Variants in LRRK2 observed in about 807,000 individuals in gnomAD.
LRRK2 encodes the protein leucine rich repeat kinase 2.
Under a neutral mutation model 302.6 loss-of-function variants are expected in LRRK2, and 203 were observed. That is an observed-to-expected ratio of 0.67 (90% CI 0.60 to 0.75). LRRK2 has a LOEUF of 0.75. LRRK2 is among the 30% of genes least tolerant of loss of function. The pLI, the probability that LRRK2 is intolerant of heterozygous loss-of-function variation, is 0.00. For missense variants in LRRK2, 2,830 were observed against 2,951.0 expected (o/e 0.96, Z 0.95); for synonymous variants, 1,066 against 1,031.9 (o/e 1.03, Z -0.63).
intron 13 of LRRK2, among the ~76,000 whole-genome samples, chr12:40,261,099 G>A (rs1007632016): frequency 3.9e-5 from 6 of 152,000 alleles, no homozygotes; most frequent in African/African-American, 1.5e-4. Flanking sequence ...GAATCATGGT[G>A]TCCTATTCAT....
chr12:40,354,902 C>G (rs988156148), intron 45 of LRRK2, among the ~76,000 whole-genome samples: 2 of 151,806 alleles, frequency 1.3e-5, no homozygotes, highest in Non-Finnish European at 2.9e-5. Flanking sequence ...TACCAGTTAT[C>G]TAACTACCAA....
rs1945422362 is a variant in LRRK2 at position 40,322,194 on chromosome 12, A to G, written c.5317+13A>G. ...TCTTGTAGAAAAGGTAAGGAAATCA[A>G]TTTGAATGTTTTCAATTGCAACACT... On this transcript the variant is annotated intron_variant, in intron 36 of 50. Transcript: ENST00000298910. The G allele has an allele frequency of 2.5e-6, 4 of 1,606,780 alleles. No individual in the cohort carries two copies. Among genetic ancestry groups the G allele is most frequent in the Non-Finnish European group, 3.4e-6 (4 of 1,175,406 alleles).
chr12:40,275,040 A>G, intron 16 of LRRK2, 47 bp downstream of exon 16: 1 of 1,609,038 alleles, frequency 6.2e-7, no homozygotes. Flanking sequence ...TGCGAATTTC[A>G]CTTTTGGAGC....
Position 40,235,561 on chromosome 12 carries a change from T to A in LRRK2, c.348-65T>A, listed in dbSNP as rs1432675525. On this transcript the variant is annotated intron_variant, in intron 3 of 50. Coordinates refer to ENST00000298910, the MANE Select transcript of LRRK2 (RefSeq NM_198578.4). ...ATAAAAAATAGGTGAGCAAAAAAAA[T>A]GCAAATAAGCAAACTTTTGAGTATG... The A allele has an allele frequency of 1.0e-5, 11 of 1,083,742 alleles. No homozygotes were observed. In the East Asian group the frequency reaches 2.6e-4, roughly 26 times the overall value. 67.1% of individuals were successfully genotyped at this position (1,083,742 alleles called of 1,614,324 possible).
chr12:40,241,500 G>GT (rs1941718075), intron 6 of LRRK2, among the ~76,000 whole-genome samples: 1 of 152,068 alleles, frequency 6.6e-6, no homozygotes, highest in Non-Finnish European at 1.5e-5. Flanking sequence ...GTTTTGTTTT[G>GT]TAAGTGACCA....
chr12:40,301,584 A>G lies in LRRK2; in HGVS notation c.3497-1205A>G, dbSNP rs190117034. Among the ~76,000 whole-genome samples the G allele has an allele frequency of 1.6e-4, 24 of 152,300 alleles. No homozygotes were observed. In the East Asian group the frequency reaches 2.9e-3, roughly 18 times the overall value. On this transcript the variant is annotated intron_variant, in intron 25 of 50. Coordinates refer to ENST00000298910, the MANE Select transcript of LRRK2 (RefSeq NM_198578.4). Reference sequence around the variant, plus strand: ...TGCGAATAGGTGAGGTATAATAGCTATCTTTCTGCTTCTCAGGAAGACAGC... The same window carrying G: ...TGCGAATAGGTGAGGTATAATAGCTGTCTTTCTGCTTCTCAGGAAGACAGC...
At chr12:40,239,214 C>T (rs963607091) in intron 5 of LRRK2, among the ~76,000 whole-genome samples, 1 of 152,134 alleles carries the variant, frequency 6.6e-6, no homozygotes, top group African/African-American at 2.4e-5. Context: ...AAGTGTATTG[C>T]AGCGAGAGTG....
At chr12:40,342,724 C>T (rs758161901) in intron 41 of LRRK2, among the ~76,000 whole-genome samples, 1 of 152,090 alleles carries the variant, frequency 6.6e-6, no homozygotes, top group African/African-American at 2.4e-5. Flanking sequence ...TTGTCTTTTC[C>T]GTTTAATGAA....
chr12:40,316,918 A>G (rs1421218271), intron 33 of LRRK2, among the ~76,000 whole-genome samples: 3 of 152,088 alleles, frequency 2.0e-5, no homozygotes, highest in Admixed American at 1.3e-4. Context: ...TCAACTCCAC[A>G]TAGTCAAGGA....
Position 40,310,581 on chromosome 12 carries a change from G to A in LRRK2, c.4468G>A (p.Ala1490Thr), listed in dbSNP as rs201154630. The change falls in exon 31 of 51, where the codon GCC becomes ACC. Residue 1490 changes from alanine (A) to threonine (T), a missense_variant. By Grantham distance (58) the Ala-to-Thr change is moderately conservative. Transcript: ENST00000298910. ...PAIRDYHFVNATEESDALAKL... is the reference protein window; with the variant it reads ...PAIRDYHFVNTTEESDALAKL... ...CATACGAGATTACCACTTTGTGAAT[G>A]CCACCGAGGAATCTGATGCTTTGGC... The A allele has an allele frequency of 1.9e-5, 31 of 1,612,424 alleles. No homozygotes were observed. The highest frequency in any genetic ancestry group is 2.6e-5 in the Non-Finnish European group (31 of 1,179,646).
chr12:40,359,263 A>C lies in LRRK2; in HGVS notation c.6847A>C (p.Lys2283Gln). Residue 2283 changes from lysine to glutamine, a missense_variant, in exon 47 of 51, where the codon AAA becomes CAA. Physicochemically the swap from Lys to Gln is moderately conservative, Grantham distance 53. This residue lies in a region of LRRK2 where 456 missense variants were observed against 456.3 expected (regional missense o/e 1.00). Coordinates refer to ENST00000298910, the MANE Select transcript of LRRK2 (RefSeq NM_198578.4). ...TTTTCTTTTTTTTTTGGCAAAGCTT[A>C]AAGGAGCTGCTCCTTTGAAGATACT... ...AIFEDKTVKL[K>Q]GAAPLKILNI... 1 of 1,607,186 alleles carries C rather than the reference A, an allele frequency of 6.2e-7. No individual in the cohort carries two copies. Among genetic ancestry groups the C allele is most frequent in the Non-Finnish European group, 8.5e-7 (1 of 1,176,926 alleles).
At position 40,367,012 on chromosome 12, in the gene LRRK2, T is replaced by A. The variant is rs281865057; in HGVS notation, c.7397T>A (p.Leu2466His). 1.1e-5 allele frequency: 17 copies of A among 1,608,880 alleles called. No homozygotes were observed. Among genetic ancestry groups the A allele is most frequent in the Non-Finnish European group, 1.4e-5 (17 of 1,176,506 alleles). Residue 2466 changes from leucine (L) to histidine (H), a missense_variant, in exon 50 of 51, where the codon CTT (leucine) becomes CAT (histidine). This residue lies in a region of LRRK2 where 456 missense variants were observed against 456.3 expected (regional missense o/e 1.00). Coordinates refer to ENST00000298910, the MANE Select transcript of LRRK2 (RefSeq NM_198578.4). ...RVMMTAQLGS[L>H]KNVMLVLGYN... ...ATATTTTGTTTTTGTAAAGGAAGCC[T>A]TAAAAATGTCATGCTGGTATTGGGC...
intron 12 of LRRK2, 80 bp downstream of exon 12, chr12:40,257,457 C>T: frequency 6.6e-7 from 1 of 1,517,820 alleles, no homozygotes; most frequent in Non-Finnish European, 9.1e-7. Flanking sequence ...ATATTTCTAA[C>T]AATGAAAAGA....
chr12:40,283,150 A>C (rs891281763), intron 18 of LRRK2, among the ~76,000 whole-genome samples: 3 of 152,184 alleles, frequency 2.0e-5, no homozygotes, highest in African/African-American at 7.2e-5. Context: ...GCTCCTTGCT[A>C]GCGTCTAGCT....
rs200905003 is a variant in LRRK2 at position 40,321,184 on chromosome 12, G to A, written c.5166G>A (p.Gly1722=). 1.4e-5 allele frequency: 22 copies of A among 1,611,330 alleles called. No individual in the cohort carries two copies. Among genetic ancestry groups the A allele is most frequent in the East Asian group, 8.9e-5 (4 of 44,800 alleles). ...LLEISPYMLS[G]RERALRPNRM... ...AGATTTCACCTTACATGCTTTCAGG[G>A]AGAGGTAAGTATCTAATGAAGACTT... Residue 1722 remains glycine (G), a synonymous_variant, in exon 35 of 51, where the codon GGG becomes GGA. Transcript: ENST00000298910.
At chr12:40,333,725 T>C (rs1290124785) in intron 39 of LRRK2, among the ~76,000 whole-genome samples, 2 of 151,746 alleles carry the variant, frequency 1.3e-5, no homozygotes, top group Non-Finnish European at 2.9e-5. Flanking sequence ...ATTGCCTTAG[T>C]AAGGGTGGCC....
chr12:40,322,087 T>C lies in LRRK2; in HGVS notation c.5223T>C (p.Asn1741=), dbSNP rs201768478. The part of the protein sequence containing the change: ...RMYWRQGIYL[N]WSPEAYCLVG... Reference sequence around the variant, plus strand: ...ATTGGCGACAAGGCATTTACTTAAATTGGTCTCCTGAAGCTTATTGTCTGG... The same window carrying C: ...ATTGGCGACAAGGCATTTACTTAAACTGGTCTCCTGAAGCTTATTGTCTGG... The change falls in exon 36 of 51, where the codon AAT becomes AAC. Residue 1741 remains asparagine, a synonymous_variant. Transcript: ENST00000298910. The C allele has an allele frequency of 6.2e-6, 10 of 1,613,424 alleles. No homozygotes were observed. In the Middle Eastern group the frequency reaches 1.3e-3, roughly 212 times the overall value.
chr12:40,359,507 A>T, intron 47 of LRRK2, 63 bp downstream of exon 47: 2 of 1,265,892 alleles, frequency 1.6e-6, no homozygotes, highest in East Asian at 2.4e-5. Context: ...CCTTATAATC[A>T]TTAATAATAC....
rs1183136244 is a variant in LRRK2 at position 40,346,921 on chromosome 12, CT to C, written c.6279del (p.Asp2094IlefsTer17). On this transcript the variant is annotated frameshift_variant and splice_region_variant, in exon 42 of 51. Coordinates refer to ENST00000298910, the MANE Select transcript of LRRK2 (RefSeq NM_198578.4). LOFTEE classifies it high-confidence loss of function. ...GAATTAGAAATACAAGGAAAATTAC[CT>C]GGTAAGTTCTGTTTTCTCTACAATG... ...FDELEIQGKLPDPVKEYGCAP... is the reference protein window; with the variant it reads ...FDELEIQGKLXDPVKEYGCAP... The C allele has an allele frequency of 7.5e-6, 12 of 1,609,338 alleles. No homozygotes were observed. The highest frequency in any genetic ancestry group is 9.3e-6 in the Non-Finnish European group (11 of 1,178,636).
Sources: allele counts gnomAD v4.1 joint callset (sites outside exome capture counted in the v4.1 genomes callset), GRCh38; gene constraint gnomAD v4.1.1; regional missense constraint gnomAD v4.1.1; transcripts MANE v1.5; gene names NCBI Gene and HGNC (gene_info 2026-07-23, HGNC 2026-07-21).